The following GNL3L variants were observed in gnomAD, a reference collection of about 807,000 sequenced individuals.
The protein encoded by GNL3L is G protein nucleolar 3 like.
Under a neutral mutation model 42.9 loss-of-function variants are expected in GNL3L, and 4 were observed. The observed-to-expected ratio is 0.09, with a 90% CI of 0.05 to 0.21. GNL3L has a LOEUF of 0.21. Ranked by LOEUF, GNL3L falls within the 10% of genes least tolerant of loss-of-function variation. GNL3L has a pLI of 1.00. For missense variants in GNL3L, 412 were observed against 481.7 expected (o/e 0.86, Z 1.36); for synonymous variants, 159 against 176.3 (o/e 0.90, Z 0.78).
intron 1 of GNL3L, among the ~76,000 whole-genome samples, chrX:54,530,682 A>G (rs377440795): frequency 1.8e-5 from 2 of 111,830 alleles, no homozygotes; most frequent in South Asian, 3.7e-4. Context: ...GAGTCGACCC[A>G]CCAAAGGCAT....
At chrX:54,601,342 G>A (rs1378435678) in intron 16 of GNL3L, among the ~76,000 whole-genome samples, 1 of 111,763 alleles carries the variant, frequency 8.9e-6, no homozygotes, top group Non-Finnish European at 1.9e-5. Context: ...TTAAATGGGT[G>A]TATTATATGC....
At position 54,562,136 on chromosome X, in the gene GNL3L, C is replaced by G. The variant is rs1403152042; in HGVS notation, c.*1534C>G. 2.7e-5 allele frequency among the ~76,000 whole-genome samples: 3 copies of G among 111,945 alleles called. No individual in the cohort carries two copies. Among genetic ancestry groups the G allele is most frequent in the Non-Finnish European group, 3.8e-5 (2 of 53,194 alleles). ...TCTCGGCTCACTGCAACCTCTGCCT[C>G]CCGGGTTCAAGTGATCCTCCTGCCT... On this transcript the variant is annotated 3_prime_UTR_variant, in exon 16 of 16. Coordinates refer to ENST00000360845, the MANE Select transcript of GNL3L (RefSeq NM_001184819.2).
At position 54,551,588 on chromosome X, in the gene GNL3L, T is replaced by A. The variant is rs775059463; in HGVS notation, c.884T>A (p.Leu295Gln). The A allele has an allele frequency of 8.3e-6, 10 of 1,209,075 alleles. No individual in the cohort carries two copies. The highest frequency in any genetic ancestry group is 1.0e-5 in the Non-Finnish European group (9 of 894,404). ...GITKFMQEVY[L>Q]DKFIRLLDAP... is the part of the protein sequence containing the mutation. ...CCCAGATTCATGCAGGAGGTCTACC[T>A]GGACAAGTTCATCCGGCTCTTGGAT... The change falls in exon 11 of 16, where the codon CTG becomes CAG. Residue 295 changes from leucine (L) to glutamine (Q), a missense_variant. Transcript: ENST00000360845.
chrX:54,602,718 A>G (rs1418695403), intron 16 of GNL3L, among the ~76,000 whole-genome samples: 1 of 111,678 alleles, frequency 9.0e-6, no homozygotes, highest in Non-Finnish European at 1.9e-5. Context: ...GTAACAAGAT[A>G]CTTCAGGTAG....
rs944339534 is a variant in GNL3L, at chrX:54,560,644, G to C, written c.*42G>C. ...CCCTTCCGCTCCAAGCACCAGTTCCGGTGGTACGGGGGAATACCAGTGAAA... is the reference window on the plus strand; with the variant it reads ...CCCTTCCGCTCCAAGCACCAGTTCCCGTGGTACGGGGGAATACCAGTGAAA... On this transcript the variant is annotated 3_prime_UTR_variant, in exon 16 of 16. Coordinates refer to ENST00000360845, the MANE Select transcript of GNL3L (RefSeq NM_001184819.2). 2 of 757,252 alleles carry C rather than the reference G, an allele frequency of 2.6e-6. No homozygotes were observed. The highest frequency in any genetic ancestry group is 2.1e-6 in the Non-Finnish European group (1 of 482,634). 62.4% of individuals were successfully genotyped at this position (757,252 alleles called of 1,213,427 possible).
At chrX:54,632,425 T>C in the GNL3L span, among the ~76,000 whole-genome samples, 2 of 111,676 alleles carry the variant, frequency 1.8e-5, no homozygotes, top group Non-Finnish European at 3.8e-5. Flanking sequence ...GTTTTTTTTT[T>C]TAACATAATT....
At chrX:54,608,748 C>T (rs996954646) in intron 16 of GNL3L, among the ~76,000 whole-genome samples, 2 of 112,157 alleles carry the variant, frequency 1.8e-5, no homozygotes, top group Non-Finnish European at 1.9e-5. Context: ...TCTTTATCCA[C>T]TCGTTTATTG....
intron 14 of GNL3L, 33 bp from the exon 15 acceptor site, chrX:54,558,403 G>A: frequency 5.9e-6 from 6 of 1,012,437 alleles, no homozygotes; most frequent in Non-Finnish European, 8.4e-6. Context: ...TGGGGGTTAA[G>A]ACCTCATCGT....
downstream of GNL3L, among the ~76,000 whole-genome samples, chrX:54,621,945 G>T (rs1926290743): frequency 8.9e-6 from 1 of 111,740 alleles, no homozygotes; most frequent in African/African-American, 3.3e-5. Flanking sequence ...TTCTTATCTG[G>T]TTCCTTTTTC....
chrX:54,582,447 A>C (rs777831011), intron 16 of GNL3L, among the ~76,000 whole-genome samples: 7 of 112,021 alleles, frequency 6.2e-5, no homozygotes, highest in African/African-American at 2.3e-4. Context: ...TAGGTATACC[A>C]TTTTACATTT....
At chrX:54,557,648 G>C (rs973857363) in intron 14 of GNL3L, among the ~76,000 whole-genome samples, 1 of 109,921 alleles carries the variant, frequency 9.1e-6, no homozygotes, top group Admixed American at 9.7e-5. Flanking sequence ...TGGCCAGGCT[G>C]GTCTCGAACT....
At chrX:54,544,400 G>A in intron 8 of GNL3L, 74 bp downstream of exon 8, 1 of 519,380 alleles carries the variant, frequency 1.9e-6, no homozygotes, top group Non-Finnish European at 3.4e-6. Context: ...TCGTGACTTG[G>A]ACTGGGACCT....
intron 9 of GNL3L, among the ~76,000 whole-genome samples, chrX:54,550,175 A>G (rs1234572938): frequency 9.4e-6 from 1 of 106,875 alleles, no homozygotes; most frequent in Non-Finnish European, 1.9e-5. Flanking sequence ...AAGAAAAGGA[A>G]AAAGTGGTGA....
downstream of GNL3L, among the ~76,000 whole-genome samples, chrX:54,624,740 A>T (rs894415773): frequency 1.8e-5 from 2 of 110,874 alleles, no homozygotes; most frequent in African/African-American, 6.6e-5. Flanking sequence ...CGCACCTGGC[A>T]GGAATGATTT....
chrX:54,612,546 G>C (rs1377778155), intron 16 of GNL3L, among the ~76,000 whole-genome samples: 1 of 111,541 alleles, frequency 9.0e-6, no homozygotes, highest in African/African-American at 3.3e-5. Flanking sequence ...GCTTTAAAGA[G>C]GTTCTGTTTT....
chrX:54,575,898 G>A (rs1234931704), intron 16 of GNL3L, among the ~76,000 whole-genome samples: 4 of 112,015 alleles, frequency 3.6e-5, no homozygotes, highest in Non-Finnish European at 7.5e-5. Flanking sequence ...CAACAAGAGT[G>A]AAGCTCCATC....
At chrX:54,533,350 A>G (rs1450748185) in intron 2 of GNL3L, among the ~76,000 whole-genome samples, 1 of 105,151 alleles carries the variant, frequency 9.5e-6, no homozygotes, top group Non-Finnish European at 1.9e-5. Flanking sequence ...TCTGGGCGAC[A>G]GAGTGAGACG....
At chrX:54,616,299 T>A (rs1926219595) in intron 16 of GNL3L, among the ~76,000 whole-genome samples, 1 of 111,766 alleles carries the variant, frequency 8.9e-6, no homozygotes, top group African/African-American at 3.3e-5. Context: ...GAAAAACCAA[T>A]TTTTTTTTAA....
intron 2 of GNL3L, among the ~76,000 whole-genome samples, chrX:54,538,663 G>A (rs1174070620): frequency 9.0e-6 from 1 of 111,560 alleles, no homozygotes; most frequent in East Asian, 2.8e-4. Context: ...CAGGTTTAGT[G>A]GGCTGGGACT....
Sources: gnomAD v4.1 joint callset for allele counts (sites outside exome capture counted in the v4.1 genomes callset) on GRCh38, gnomAD v4.1.1 for gene constraint, MANE v1.5 for transcripts, NCBI Gene and HGNC (gene_info 2026-07-23, HGNC 2026-07-21) for gene names.